Variants in POLE observed in about 807,000 individuals in gnomAD.
POLE encodes the protein DNA polymerase epsilon, catalytic subunit, also known as DNA polymerase epsilon catalytic subunit A.
A neutral mutation model predicts 279.2 loss-of-function variants in POLE; 188 were observed. The ratio of observed to expected loss-of-function variants is 0.67; its 90% CI spans 0.60 to 0.76. The LOEUF (loss-of-function observed/expected upper bound fraction) is 0.76. POLE is among the 30% of genes least tolerant of loss of function. The pLI is 0.00. For missense variants in POLE, 2,703 were observed against 3,016.7 expected (o/e 0.90, Z 2.44); for synonymous variants, 1,214 against 1,172.5 (o/e 1.04, Z -0.72).
chr12:132,666,955 G>A (rs941948273), intron 20 of POLE, among the ~76,000 whole-genome samples: 54 of 152,202 alleles, frequency 3.5e-4, no homozygotes, highest in African/African-American at 1.1e-3. Flanking sequence ...AGCAGGGGCC[G>A]TGCTGAGTCT....
chr12:132,654,992 T>G (rs2042502100), intron 29 of POLE, among the ~76,000 whole-genome samples: 1 of 152,130 alleles, frequency 6.6e-6, no homozygotes, highest in Non-Finnish European at 1.5e-5. Flanking sequence ...AACCTCAAAT[T>G]CCTGGGCTCA....
intron 1 of POLE, among the ~76,000 whole-genome samples, chr12:132,686,249 G>A (rs1463663881): frequency 6.6e-6 from 1 of 151,746 alleles, no homozygotes; most frequent in African/African-American, 2.4e-5. Context: ...CCAAGCAGCC[G>A]CGTCTTATCC....
Position 132,657,901 on chromosome 12 carries a change from C to A in POLE, c.3345G>T (p.Lys1115Asn). 6.2e-7 allele frequency: 1 copy of A among 1,614,078 alleles called. No individual in the cohort carries two copies. Among genetic ancestry groups the A allele is most frequent in the South Asian group, 1.1e-5 (1 of 91,074 alleles). The change falls in exon 27 of 49, where the codon AAG (lysine) becomes AAT (asparagine). Residue 1115 changes from lysine (K) to asparagine (N), a missense_variant. Lys to Asn is a moderately conservative substitution (Grantham distance 94). Around this residue, in one of 5 missense-constraint regions of POLE, gnomAD observed 1,551 missense variants for 1,686.1 expected, o/e 0.92. Coordinates refer to ENST00000320574, the MANE Select transcript of POLE (RefSeq NM_006231.4). Reference sequence around the variant, plus strand: ...TATCAAAGTCTTGAAGGGAAGAGCTCTTGAGCCATTTCCGGAGAAAGTGCT... The same window carrying A: ...TATCAAAGTCTTGAAGGGAAGAGCTATTGAGCCATTTCCGGAGAAAGTGCT... ...VRKHFLRKWLKSSSLQDFDIR... is the reference protein window; with the variant it reads ...VRKHFLRKWLNSSSLQDFDIR...
At chr12:132,665,119 A>G (rs1311553008) in intron 21 of POLE, among the ~76,000 whole-genome samples, 183 bp downstream of exon 21, 3 of 151,948 alleles carry the variant, frequency 2.0e-5, no homozygotes, top group Non-Finnish European at 4.4e-5. Context: ...AGACCCTCAA[A>G]GTCAGCGTGG....
Position 132,675,441 on chromosome 12 carries a change from C to T in POLE, c.1183G>A (p.Gly395Arg), listed in dbSNP as rs1475049831. 6.2e-7 allele frequency: 1 copy of T among 1,614,080 alleles called. No individual in the cohort carries two copies. Among genetic ancestry groups the T allele is most frequent in the Admixed American group, 1.7e-5 (1 of 60,008 alleles). ...ATGCACTGGGGCGCCTTGTACTCCC[C>T]CTGGCTGTCCTTCTGGAAGCCTATC... Reference protein sequence around the residue: ...QEIGFQKDSQGEYKAPQCIHM... With the variant: ...QEIGFQKDSQREYKAPQCIHM... The change falls in exon 12 of 49, where the codon GGG becomes AGG. Residue 395 changes from glycine (G) to arginine (R), a missense_variant. Coordinates refer to ENST00000320574, the MANE Select transcript of POLE (RefSeq NM_006231.4). The surrounding 1 kb of genome is among the most constrained non-coding windows in gnomAD (Gnocchi z 4.3).
In POLE at chr12:132,624,420, C is replaced by A. The variant is rs183634984; in HGVS notation, c.*277G>T. On this transcript the variant is annotated 3_prime_UTR_variant, in exon 49 of 49. Coordinates refer to ENST00000320574, the MANE Select transcript of POLE (RefSeq NM_006231.4). ...CAGAGGCCTGGAAAAGCATTCACTG[C>A]GTGAGAAACGGCGCCCAGGGCACTC... The A allele has an allele frequency of 5.7e-6, 3 of 528,638 alleles. No homozygotes were observed. 32.7% of individuals were successfully genotyped at this position (528,638 alleles called of 1,614,324 possible). A position where few individuals can be genotyped will look rare whatever the true frequency, so the allele number is the denominator to read the frequency against.
rs2042751504 is a variant in POLE at position 132,664,625 on chromosome 12, G to A, written c.2469-163C>T. Reference sequence around the variant, plus strand: ...CAGAACTAAGGTGGAATCTGGCTCTGCCCGAGGACACCTCTCTGTCCCCAC... The same window carrying A: ...CAGAACTAAGGTGGAATCTGGCTCTACCCGAGGACACCTCTCTGTCCCCAC... On this transcript the variant is annotated intron_variant, in intron 21 of 48. Transcript: ENST00000320574. This position sits in a 1 kb window ranked among gnomAD's most constrained non-coding sequence, Gnocchi z 5.3. 6.6e-6 allele frequency among the ~76,000 whole-genome samples: 1 copy of A among 152,184 alleles called. No individual in the cohort carries two copies. Among genetic ancestry groups the A allele is most frequent in the Non-Finnish European group, 1.5e-5 (1 of 68,034 alleles).
rs748151430 is a variant in POLE at position 132,676,672 on chromosome 12, C to G, written c.802-19G>C. 1 of 1,535,938 alleles carries G rather than the reference C, an allele frequency of 6.5e-7. No individual in the cohort carries two copies. Among genetic ancestry groups the G allele is most frequent in the South Asian group, 1.1e-5 (1 of 89,218 alleles). ...CAGGGTCCTGTGGGGACAAAATAAGCATAAAGCCAAGCTCTAAACTCCCCA... is the reference window on the plus strand; with the variant it reads ...CAGGGTCCTGTGGGGACAAAATAAGGATAAAGCCAAGCTCTAAACTCCCCA... On this transcript the variant is annotated intron_variant, in intron 8 of 48. Coordinates refer to ENST00000320574, the MANE Select transcript of POLE (RefSeq NM_006231.4).
intron 32 of POLE, among the ~76,000 whole-genome samples, chr12:132,645,685 A>C (rs1161268401): frequency 1.3e-5 from 2 of 152,230 alleles, no homozygotes; most frequent in Non-Finnish European, 2.9e-5. Context: ...GTTGCAATAA[A>C]GCGTTATTTG....
intron 32 of POLE, among the ~76,000 whole-genome samples, chr12:132,647,970 AG>A (rs1230120942): frequency 6.6e-6 from 1 of 152,202 alleles, no homozygotes; most frequent in Non-Finnish European, 1.5e-5. Flanking sequence ...CACCTTCTCC[AG>A]AAAACCTCCT....
At chr12:132,654,393 T>G (rs2042488776) in intron 29 of POLE, among the ~76,000 whole-genome samples, 1 of 152,170 alleles carries the variant, frequency 6.6e-6, no homozygotes, top group Non-Finnish European at 1.5e-5. Context: ...TAAGTGTCAA[T>G]TTCTGTAATG....
intron 39 of POLE, chr12:132,641,108 C>G (rs1213350957): frequency 2.2e-6 from 1 of 455,962 alleles, no homozygotes; most frequent in Non-Finnish European, 4.4e-6. Flanking sequence ...CTCCCCGTCC[C>G]TGGGCTGATG....
In POLE at chr12:132,681,266, T is replaced by C. The variant is rs182282150; in HGVS notation, c.76A>G (p.Thr26Ala). 62 of 1,614,190 alleles carry C rather than the reference T, an allele frequency of 3.8e-5. No homozygotes were observed. The East Asian group carries it at 1.3e-3, about 34-fold the overall frequency. ...DGEASRDDGA[T>A]SSVSALKRLE... ...CGCTTGAGTGCCGAAACTGAGGAAGTGGCGCCATCATCCCTGAGTGAAAGA... is the reference window on the plus strand; with the variant it reads ...CGCTTGAGTGCCGAAACTGAGGAAGCGGCGCCATCATCCCTGAGTGAAAGA... The change falls in exon 2 of 49, where the codon ACT (threonine) becomes GCT (alanine). Residue 26 changes from threonine (T) to alanine (A), a missense_variant. By Grantham distance (58) the Thr-to-Ala change is moderately conservative. Coordinates refer to ENST00000320574, the MANE Select transcript of POLE (RefSeq NM_006231.4).
intron 32 of POLE, among the ~76,000 whole-genome samples, chr12:132,647,546 A>C (rs573647567): frequency 1.3e-5 from 2 of 152,138 alleles, no homozygotes; most frequent in Non-Finnish European, 2.9e-5. Context: ...TTATAAAGGA[A>C]ACAGCTAATA....
At chr12:132,625,996 T>C in intron 46 of POLE, 121 bp downstream of exon 46, 2 of 1,149,674 alleles carry the variant, frequency 1.7e-6, no homozygotes, top group Non-Finnish European at 2.5e-6. Context: ...TGCCAATCCA[T>C]GTGAGTCAGA....
chr12:132,632,307 A>G lies in POLE; in HGVS notation c.6330+8T>C, dbSNP rs1060504047. 2 of 1,610,082 alleles carry G rather than the reference A, an allele frequency of 1.2e-6. No homozygotes were observed. The highest frequency in any genetic ancestry group is 1.3e-5 in the African/African-American group (1 of 74,646). On this transcript the variant is annotated splice_region_variant and intron_variant, in intron 45 of 48. Transcript: ENST00000320574. ...GTCCTCTCCTCACACGCACGCTGGC[A>G]CTCTCACCTTGCACACGTATTTGAT...
At position 132,624,740 on chromosome 12, in the gene POLE, G is replaced by A. The variant is rs779145729; in HGVS notation, c.6818C>T (p.Thr2273Ile). The A allele has an allele frequency of 8.7e-6, 14 of 1,613,172 alleles. No individual in the cohort carries two copies. The Admixed American group carries it at 2.2e-4, about 25-fold the overall frequency. ...GTTCTTCTGCAGCAGCCACTCCAGG[G>A]TCTCCAGGAGGTACGACATGCCGTA... ...QHYGMSYLLE[T>I]LEWLLQKNPQ... The change falls in exon 49 of 49, where the codon ACC becomes ATC. Residue 2273 changes from threonine (T) to isoleucine (I), a missense_variant. Around this residue, in one of 5 missense-constraint regions of POLE, gnomAD observed 1,551 missense variants for 1,686.1 expected, o/e 0.92. Transcript: ENST00000320574.
At chr12:132,663,301 C>T (rs1428185707) in intron 23 of POLE, among the ~76,000 whole-genome samples, 1 of 152,238 alleles carries the variant, frequency 6.6e-6, no homozygotes, top group African/African-American at 2.4e-5. Context: ...GCAGAAGCCC[C>T]TCAGGCAGGA....
rs2042957103 is a variant in POLE, at chr12:132,672,677, C to T, written c.1636G>A (p.Ala546Thr). 1 of 1,614,142 alleles carries T rather than the reference C, an allele frequency of 6.2e-7. No individual in the cohort carries two copies. The highest frequency in any genetic ancestry group is 8.5e-7 in the Non-Finnish European group (1 of 1,180,036). The change falls in exon 15 of 49, where the codon GCC becomes ACC. Residue 546 changes from alanine to threonine, a missense_variant. By Grantham distance (58) the Ala-to-Thr change is moderately conservative. Transcript: ENST00000320574. ...SETYVGGHVE[A>T]LESGVFRSDI... is the part of the protein sequence containing the mutation. ...CTGCGGAAAACCCCAGACTCGAGGG[C>T]CTCCACGTGGCCCCCGACGTAGGTC...
Sources: allele counts gnomAD v4.1 joint callset (sites outside exome capture counted in the v4.1 genomes callset), GRCh38; gene constraint gnomAD v4.1.1; regional missense constraint gnomAD v4.1.1; non-coding constraint Gnocchi (gnomAD v3.1); transcripts MANE v1.5; gene names NCBI Gene and HGNC (gene_info 2026-07-23, HGNC 2026-07-21).